The following UBXN11 variants were observed in gnomAD, a reference collection of about 807,000 sequenced individuals.
UBXN11 encodes the protein UBX domain-containing protein 11.
UBXN11 carries 47 observed loss-of-function variants against 62.8 expected under a neutral mutation model. That is an observed-to-expected ratio of 0.75 (90% CI 0.59 to 0.95). The LOEUF (loss-of-function observed/expected upper bound fraction) is 0.95, where lower values mean the gene tolerates loss of function less well. Among genes scored for constraint, UBXN11 ranks in the 40% least tolerant of loss-of-function variants. The probability of loss-of-function intolerance (pLI) is 0.00; values close to 1 mark genes in which losing one functional copy is unlikely to be tolerated. For synonymous variants in UBXN11, 294 were observed against 267.0 expected, an observed-to-expected ratio of 1.10 and a Z score of -0.99; for missense variants, 638 against 661.7, an observed-to-expected ratio of 0.96 and a Z score of 0.39.
In UBXN11 at chr1:26,301,051, G is replaced by A. The variant is rs575065109; in HGVS notation, c.101-27C>T. The A allele has an allele frequency of 4.1e-5, 66 of 1,614,074 alleles. No homozygotes were observed. In the East Asian group the frequency reaches 9.8e-4, roughly 24 times the overall value. ...TGCAGACAGGGATGCCTAGGTCACC[G>A]CTCTGGGGCGGAGACCCAGAGGAAA... On this transcript the variant is annotated intron_variant, in intron 3 of 14. Coordinates refer to ENST00000374222, the MANE Select transcript of UBXN11 (RefSeq NM_001389556.1).
chr1:26,301,129 G>A, intron 3 of UBXN11, 105 bp from the exon 4 acceptor site: 4 of 1,568,934 alleles, frequency 2.5e-6, no homozygotes, highest in Non-Finnish European at 3.4e-6. Context: ...TGTGCCCCAG[G>A]GAGTTTGAGG....
chr1:26,299,512 A>AG (rs1206779300), intron 4 of UBXN11, among the ~76,000 whole-genome samples: 2 of 35,578 alleles, frequency 5.6e-5, no homozygotes, highest in Non-Finnish European at 1.2e-4. Context: ...GGCAGTCTCC[A>AG]AAAAAAAAAA....
At chr1:26,306,053 G>C (rs1447907424) in intron 1 of UBXN11, among the ~76,000 whole-genome samples, 1 of 152,200 alleles carries the variant, frequency 6.6e-6, no homozygotes, top group Non-Finnish European at 1.5e-5. Context: ...CTGTCCGTTT[G>C]GGGGGACTCC....
At chr1:26,282,998 AC>A (rs2073037214) in intron 12 of UBXN11, 61 bp from the exon 13 acceptor site, 1 of 1,603,080 alleles carries the variant, frequency 6.2e-7, no homozygotes, top group African/African-American at 1.3e-5. Context: ...ATCCCCACAA[AC>A]CTTAGAGGGA....
intron 1 of UBXN11, among the ~76,000 whole-genome samples, chr1:26,315,606 C>G (rs2124682958): frequency 6.6e-6 from 1 of 152,286 alleles, no homozygotes; most frequent in South Asian, 2.1e-4. Flanking sequence ...CCCGCCCCTC[C>G]CTCTCCACTT....
rs564235646 is a variant in UBXN11 at position 26,311,889 on chromosome 1, C to A, written c.-148-5185G>T. Among the ~76,000 whole-genome samples, 21 of 152,304 alleles carry A rather than the reference C, an allele frequency of 1.4e-4. No homozygotes were observed. The South Asian group carries it at 4.3e-3, about 32-fold the overall frequency. ...AAAGGTAAATAATAAAGGAGTTCCT[C>A]CAAGTCTCTTTAGCAGAATACAAAT... On this transcript the variant is annotated intron_variant, in intron 1 of 14. Coordinates refer to the UBXN11 transcript ENST00000374217.
intron 7 of UBXN11, among the ~76,000 whole-genome samples, chr1:26,294,879 G>T (rs1021622157): frequency 2.0e-5 from 3 of 152,128 alleles, no homozygotes; most frequent in Admixed American, 6.5e-5. Flanking sequence ...CAACCTACCC[G>T]CTGCCAAGCG....
intron 8 of UBXN11, 143 bp from the exon 9 acceptor site, chr1:26,286,180 TA>T: frequency 1.5e-6 from 1 of 652,114 alleles, no homozygotes; most frequent in South Asian, 2.5e-5. Flanking sequence ...CAACGCTAGA[TA>T]ATAACAGCAG....
At chr1:26,290,438 CCA>C (rs1227550312) in intron 8 of UBXN11, among the ~76,000 whole-genome samples, 1 of 152,170 alleles carries the variant, frequency 6.6e-6, no homozygotes, top group Non-Finnish European at 1.5e-5. Flanking sequence ...GCAGCACAGC[CCA>C]CACAGGGCAG....
exon 1 of UBXN11, chr1:26,318,210 G>A: frequency 1.4e-6 from 1 of 721,508 alleles, no homozygotes; most frequent in Non-Finnish European, 2.4e-6. Context: ...AGGAAAACTG[G>A]GGACACAGCG....
chr1:26,307,624 CTTTTTTT>C (rs58120340), upstream of UBXN11, among the ~76,000 whole-genome samples: 88 of 127,922 alleles, frequency 6.9e-4, no homozygotes, highest in African/African-American at 2.5e-3. Flanking sequence ...TTTTCTGTTG[CTTTTTTT>C]TTTTTTTTTT....
intron 8 of UBXN11, among the ~76,000 whole-genome samples, chr1:26,286,953 C>T (rs538032143): frequency 1.1e-4 from 17 of 152,326 alleles, no homozygotes; most frequent in African/African-American, 3.9e-4. Flanking sequence ...CCCGCCTTGG[C>T]ATCCCAAAGT....
At chr1:26,289,084 A>G (rs189506876) in intron 8 of UBXN11, among the ~76,000 whole-genome samples, 1 of 152,280 alleles carries the variant, frequency 6.6e-6, no homozygotes, top group Non-Finnish European at 1.5e-5. Flanking sequence ...CCAACTCCCA[A>G]GACCCTTACT....
intron 1 of UBXN11, among the ~76,000 whole-genome samples, chr1:26,317,691 A>T (rs995593823): frequency 1.3e-5 from 2 of 152,124 alleles, no homozygotes; most frequent in Non-Finnish European, 2.9e-5. Context: ...TTAAACCAGG[A>T]TTCAGCCTGC....
Position 26,282,352 on chromosome 1 carries a change from CGGGACT to C in UBXN11, c.1504_1509del (p.Ser502_Pro503del), listed in dbSNP as rs1258708797. 3.3e-5 allele frequency: 9 copies of C among 271,624 alleles called. No individual in the cohort carries two copies. The African/African-American group carries it at 4.4e-4, about 13-fold the overall frequency. 16.8% of individuals were successfully genotyped at this position (271,624 alleles called of 1,614,324 possible). ...CAGGGACTGGGGCCGGGACCGGGAC[CGGGACT>C]GGGGCCGGGACCGGGACCGGGACTG... On this transcript the variant is annotated inframe_deletion, in exon 15 of 15. Coordinates refer to ENST00000374222, the MANE Select transcript of UBXN11 (RefSeq NM_001389556.1).
intron 2 of UBXN11, 120 bp from the exon 3 acceptor site, chr1:26,301,842 T>C: frequency 7.3e-7 from 1 of 1,367,608 alleles, no homozygotes; most frequent in Non-Finnish European, 1.0e-6. Context: ...GCAGGGCCTC[T>C]AACTCCTGAG....
chr1:26,300,571 G>A (rs1308271287), intron 4 of UBXN11, among the ~76,000 whole-genome samples: 1 of 152,184 alleles, frequency 6.6e-6, no homozygotes, highest in African/African-American at 2.4e-5. Context: ...TAAGCAGACT[G>A]TCTAGGCGAC....
At chr1:26,309,391 C>A (rs1390318399), upstream of UBXN11, among the ~76,000 whole-genome samples, 2 of 151,696 alleles carry the variant, frequency 1.3e-5, no homozygotes, top group Non-Finnish European at 2.9e-5. Flanking sequence ...AGGCAAGTGC[C>A]ACCACCCCCA....
intron 8 of UBXN11, among the ~76,000 whole-genome samples, chr1:26,288,123 G>A (rs924659895): frequency 2.6e-5 from 4 of 152,066 alleles, no homozygotes; most frequent in African/African-American, 7.2e-5. Context: ...CCAGGGCTCT[G>A]TCTTCTTTAT....
Sources: allele counts gnomAD v4.1 joint callset (sites outside exome capture counted in the v4.1 genomes callset), GRCh38; gene constraint gnomAD v4.1.1; transcripts MANE v1.5; gene names NCBI Gene and HGNC (gene_info 2026-07-23, HGNC 2026-07-21).